The following FGF12 variants were observed in gnomAD, a reference collection of about 807,000 sequenced individuals.
FGF12 encodes the protein fibroblast growth factor 12B.
A neutral mutation model predicts 23.6 loss-of-function variants in FGF12; 14 were observed. That is an observed-to-expected ratio of 0.59 (90% confidence interval 0.39 to 0.93). FGF12 has a LOEUF of 0.93. Ranked by LOEUF, FGF12 falls within the 40% of genes least tolerant of loss-of-function variation. FGF12 has a pLI of 0.00. For missense variants in FGF12, 175 were observed against 217.8 expected (o/e 0.80, Z 1.24); for synonymous variants, 62 against 77.3 (o/e 0.80, Z 1.04).
chr3:192,248,708 G>A (rs1230866021), intron 4 of FGF12, among the ~76,000 whole-genome samples: 1 of 152,118 alleles, frequency 6.6e-6, no homozygotes, highest in Non-Finnish European at 1.5e-5. Flanking sequence ...TGCCCCGGGG[G>A]GATCCAGGCA....
At chr3:192,350,320 T>C (rs966725996) in intron 3 of FGF12, among the ~76,000 whole-genome samples, 13 of 151,912 alleles carry the variant, frequency 8.6e-5, no homozygotes, top group Non-Finnish European at 1.5e-4. Context: ...GCATAATTAG[T>C]GAAAGAAATA....
At chr3:192,687,054 C>A (rs1717771867) in intron 2 of FGF12, among the ~76,000 whole-genome samples, 4 of 151,142 alleles carry the variant, frequency 2.6e-5, no homozygotes, top group Admixed American at 2.6e-4. Flanking sequence ...TGGTCTCCAT[C>A]TCCTGACCTC....
In FGF12 at chr3:192,630,713, C is replaced by A. The variant is rs7621228; in HGVS notation, c.13+96468G>T. The stretch of plus-strand genomic sequence containing the variant: ...GACTACAGGCGCCCGCCACCACGCC[C>A]GGCTAATTTTTTTTTTTTGTATTTT... On this transcript the variant is annotated intron_variant, in intron 2 of 5. Coordinates refer to ENST00000445105, the MANE Select transcript of FGF12 (RefSeq NM_004113.6). Among the ~76,000 whole-genome samples, 1,074 of 140,024 alleles carry A rather than the reference C, an allele frequency of 7.7e-3. 15 individuals are homozygous for A. Among genetic ancestry groups the A allele is most frequent in the African/African-American group, 0.029 (1,017 of 35,340 alleles). The allele number at this position is 140,024 out of a possible 152,430, so 91.9% of individuals were successfully genotyped here.
intron 2 of FGF12, among the ~76,000 whole-genome samples, chr3:192,572,078 G>A (rs566003308): frequency 1.5e-4 from 23 of 152,166 alleles, no homozygotes; most frequent in African/African-American, 5.3e-4. Context: ...TGAGGCTTAG[G>A]AAACTAGGAC....
intron 2 of FGF12, among the ~76,000 whole-genome samples, chr3:192,675,310 A>AG: frequency 6.6e-6 from 1 of 152,276 alleles, no homozygotes; most frequent in South Asian, 2.1e-4. Context: ...CAAAAAAAAA[A>AG]AAGTCCTACT....
intron 4 of FGF12, among the ~76,000 whole-genome samples, chr3:192,265,039 A>G (rs1201079794): frequency 2.0e-5 from 3 of 152,110 alleles, no homozygotes; most frequent in African/African-American, 4.8e-5. Flanking sequence ...AACTTCAGGG[A>G]CTTTTTCATA....
chr3:192,340,539 C>A (rs2108707751), intron 3 of FGF12, among the ~76,000 whole-genome samples: 1 of 152,220 alleles, frequency 6.6e-6, no homozygotes, highest in South Asian at 2.1e-4. Flanking sequence ...ATTCAAAGAT[C>A]TTCTTAAACT....
Position 192,409,076 on chromosome 3 carries a change from GGGGAGGGCGCGA to G in FGF12, c.14-48550_14-48539del. ...CAAAGAGAGCGGGAGGCGAGGGAGG[GGGGAGGGCGCGA>G]GGGAGGGAGGGAGATCCTCGAGGGC... On this transcript the variant is annotated intron_variant, in intron 2 of 5. Transcript: ENST00000445105. This position sits in a 1 kb window ranked among gnomAD's most constrained non-coding sequence, Gnocchi z 4.8. 1 of 815,266 alleles carries G rather than the reference GGGGAGGGCGCGA, an allele frequency of 1.2e-6. No homozygotes were observed. The allele number at this position is 815,266 out of a possible 1,614,324, so 50.5% of individuals were successfully genotyped here. A position where few individuals can be genotyped will look rare whatever the true frequency, so the allele number is the denominator to read the frequency against.
intron 2 of FGF12, among the ~76,000 whole-genome samples, chr3:192,582,824 C>T (rs1010447036): frequency 6.6e-6 from 1 of 152,134 alleles, no homozygotes; most frequent in South Asian, 2.1e-4. Context: ...TTTGACCCTA[C>T]CACACCTGAG....
intron 2 of FGF12, among the ~76,000 whole-genome samples, chr3:192,431,731 A>C (rs1362401536): frequency 1.3e-5 from 2 of 152,194 alleles, no homozygotes; most frequent in Non-Finnish European, 2.9e-5. Flanking sequence ...ACTTAGACTT[A>C]TGTAAGCTTT....
At chr3:192,190,684 C>A (rs970653953) in intron 4 of FGF12, among the ~76,000 whole-genome samples, 2 of 151,712 alleles carry the variant, frequency 1.3e-5, no homozygotes. Context: ...ACCGTTTTAG[C>A]CGGGATGGTC....
At chr3:192,180,232 G>A (rs750158704) in intron 4 of FGF12, among the ~76,000 whole-genome samples, 78 of 152,274 alleles carry the variant, frequency 5.1e-4, no homozygotes, top group Admixed American at 1.9e-3. Flanking sequence ...AATACCACTG[G>A]ACTCAGCCTC....
chr3:192,434,625 ACT>A (rs1263799022), intron 2 of FGF12, among the ~76,000 whole-genome samples: 2 of 152,090 alleles, frequency 1.3e-5, no homozygotes, highest in Non-Finnish European at 2.9e-5. Flanking sequence ...TATGGAGTTG[ACT>A]TTTTTGAGTT....
intron 2 of FGF12, among the ~76,000 whole-genome samples, chr3:192,476,565 T>G (rs1723333405): frequency 1.3e-5 from 2 of 152,220 alleles, no homozygotes; most frequent in Admixed American, 1.3e-4. Flanking sequence ...TTTGTTGGTA[T>G]TAATCCCCAC....
intron 4 of FGF12, among the ~76,000 whole-genome samples, chr3:192,282,245 A>G (rs1714188427): frequency 2.0e-5 from 3 of 152,184 alleles, no homozygotes; most frequent in Non-Finnish European, 4.4e-5. Flanking sequence ...GGTACATAGT[A>G]GGTACTCAAC....
chr3:192,470,484 G>A (rs1256291355), intron 2 of FGF12, among the ~76,000 whole-genome samples: 2 of 152,142 alleles, frequency 1.3e-5, no homozygotes, highest in Non-Finnish European at 2.9e-5. Context: ...TGCCTCCCAG[G>A]TTCAAGTGAT....
rs1718653967 is a variant in FGF12 at position 192,360,145 on chromosome 3, A to G, written c.124+283T>C. 6.6e-6 allele frequency among the ~76,000 whole-genome samples: 1 copy of G among 152,066 alleles called. No individual in the cohort carries two copies. The highest frequency in any genetic ancestry group is 2.4e-5 in the African/African-American group (1 of 41,404). ...GCTTGTATTGTTCCTAGGAGTGTGT[A>G]TCATCATGCTGCCTAAAAACACTGT... On this transcript the variant is annotated intron_variant, in intron 3 of 5. Coordinates refer to ENST00000445105, the MANE Select transcript of FGF12 (RefSeq NM_004113.6). This position sits in a 1 kb window ranked among gnomAD's most constrained non-coding sequence, Gnocchi z 4.3.
chr3:192,469,111 G>T (rs900053541), intron 2 of FGF12, among the ~76,000 whole-genome samples: 19 of 152,098 alleles, frequency 1.2e-4, no homozygotes, highest in Non-Finnish European at 2.5e-4. Flanking sequence ...GTTTAAGCAC[G>T]TCCTCATTTT....
intron 4 of FGF12, among the ~76,000 whole-genome samples, chr3:192,213,128 G>C (rs1235344955): frequency 6.6e-6 from 1 of 152,248 alleles, no homozygotes; most frequent in East Asian, 1.9e-4. Context: ...ACGCTTCTGG[G>C]CAAGAAAACG....
Sources: allele counts gnomAD v4.1 joint callset (sites outside exome capture counted in the v4.1 genomes callset), GRCh38; gene constraint gnomAD v4.1.1; non-coding constraint Gnocchi (gnomAD v3.1); transcripts MANE v1.5; gene names NCBI Gene and HGNC (gene_info 2026-07-23, HGNC 2026-07-21).